The following ADCY2 variants were observed in gnomAD, a reference collection of about 807,000 sequenced individuals.
ADCY2 encodes the protein adenylate cyclase type 2.
A neutral mutation model predicts 125.2 loss-of-function variants in ADCY2; 31 were observed. The observed-to-expected ratio is 0.25, with a 90% CI of 0.19 to 0.33. The LOEUF (loss-of-function observed/expected upper bound fraction) is 0.33, where lower values mean the gene tolerates loss of function less well. Among genes scored for constraint, ADCY2 ranks in the 10% least tolerant of loss-of-function variants. The pLI is 1.00. For synonymous variants in ADCY2, 512 were observed against 548.4 expected, an observed-to-expected ratio of 0.93 and a Z score of 0.93; for missense variants, 904 against 1,418.2, an observed-to-expected ratio of 0.64 and a Z score of 5.82.
chr5:7,633,282 T>C (rs1017972171), intron 4 of ADCY2, among the ~76,000 whole-genome samples: 34 of 151,598 alleles, frequency 2.2e-4, no homozygotes, highest in Non-Finnish European at 4.7e-4. Flanking sequence ...AATACAAAAA[T>C]TAGCTGGGTG....
At chr5:7,582,821 A>G (rs1736479777) in intron 3 of ADCY2, among the ~76,000 whole-genome samples, 1 of 152,154 alleles carries the variant, frequency 6.6e-6, no homozygotes, top group Non-Finnish European at 1.5e-5. Context: ...GTCTGGAACA[A>G]GGAACTTCTA....
chr5:7,567,234 G>A (rs757193057), intron 3 of ADCY2, among the ~76,000 whole-genome samples: 9 of 152,242 alleles, frequency 5.9e-5, no homozygotes, highest in South Asian at 2.1e-4. Context: ...GAATTGAGGG[G>A]CAGTAGTTCT....
At chr5:7,424,850 G>A (rs1740329863) in intron 2 of ADCY2, among the ~76,000 whole-genome samples, 1 of 152,174 alleles carries the variant, frequency 6.6e-6, no homozygotes, top group African/African-American at 2.4e-5. Context: ...ATTATACATA[G>A]AGTCCTTATA....
At chr5:7,440,057 G>C (rs1205163854) in intron 2 of ADCY2, among the ~76,000 whole-genome samples, 1 of 152,202 alleles carries the variant, frequency 6.6e-6, no homozygotes, top group Non-Finnish European at 1.5e-5. Context: ...AGAAGTTCCA[G>C]CTATGTGTAG....
In ADCY2 at chr5:7,802,736, T is replaced by C. The variant is rs1276660288; in HGVS notation, c.2775+372T>C. On this transcript the variant is annotated intron_variant, in intron 21 of 24. Transcript: ENST00000338316. The surrounding 1 kb of genome is among the most constrained non-coding windows in gnomAD (Gnocchi z 4.6). ...ATTGGTGTGTCTGTGCCTACTTCAATGCCTTTGTCAGATATCAACTTGCAC... is the reference window on the plus strand; with the variant it reads ...ATTGGTGTGTCTGTGCCTACTTCAACGCCTTTGTCAGATATCAACTTGCAC... Among the ~76,000 whole-genome samples the C allele has an allele frequency of 6.6e-6, 1 of 152,272 alleles. No homozygotes were observed. The highest frequency in any genetic ancestry group is 1.5e-5 in the Non-Finnish European group (1 of 68,050).
intron 1 of ADCY2, among the ~76,000 whole-genome samples, chr5:7,410,450 A>G (rs570351589): frequency 6.6e-6 from 1 of 152,330 alleles, no homozygotes; most frequent in Non-Finnish European, 1.5e-5. Context: ...AGTGATGGGT[A>G]TTTAATAGGC....
chr5:7,639,027 C>G (rs761159573), intron 4 of ADCY2, among the ~76,000 whole-genome samples: 19 of 152,168 alleles, frequency 1.2e-4, no homozygotes, highest in Non-Finnish European at 2.6e-4. Flanking sequence ...CTTCTCCTTG[C>G]TTTCTACCAT....
intron 19 of ADCY2, among the ~76,000 whole-genome samples, chr5:7,786,408 T>G (rs1744082958): frequency 6.6e-6 from 1 of 152,252 alleles, no homozygotes; most frequent in African/African-American, 2.4e-5. Flanking sequence ...AGTTACTGTA[T>G]TTCCTGATTG....
chr5:7,487,740 A>G (rs1387097323), intron 2 of ADCY2, among the ~76,000 whole-genome samples: 1 of 152,180 alleles, frequency 6.6e-6, no homozygotes, highest in Non-Finnish European at 1.5e-5. Context: ...GTGCTGGGAG[A>G]AGATGAAGAT....
At chr5:7,628,490 G>A (rs530761158) in intron 4 of ADCY2, among the ~76,000 whole-genome samples, 1 of 152,234 alleles carries the variant, frequency 6.6e-6, no homozygotes, top group East Asian at 1.9e-4. Context: ...TTGACCTTGT[G>A]GAGCTCAAGA....
At chr5:7,560,203 G>C (rs73739846) in intron 3 of ADCY2, among the ~76,000 whole-genome samples, 1 of 152,160 alleles carries the variant, frequency 6.6e-6, no homozygotes, top group Non-Finnish European at 1.5e-5. Flanking sequence ...TAACAGCCCT[G>C]CATTTTGTTT....
At chr5:7,818,160 A>G (rs1278958722) in intron 23 of ADCY2, among the ~76,000 whole-genome samples, 1 of 152,164 alleles carries the variant, frequency 6.6e-6, no homozygotes, top group Non-Finnish European at 1.5e-5. Flanking sequence ...ATGGTTTTTA[A>G]CGCTCTCTTA....
rs375166096 is a variant in ADCY2 at position 7,408,265 on chromosome 5, A to G, written c.211-6308A>G. ...TGACACCTAAGCAACTCAGTTCAGTATTTGAACTTGTAATTTTCCCACCAG... is the reference window on the plus strand; with the variant it reads ...TGACACCTAAGCAACTCAGTTCAGTGTTTGAACTTGTAATTTTCCCACCAG... On this transcript the variant is annotated intron_variant, in intron 1 of 24. Coordinates refer to ENST00000338316, the MANE Select transcript of ADCY2 (RefSeq NM_020546.3). 2.0e-5 allele frequency among the ~76,000 whole-genome samples: 3 copies of G among 152,098 alleles called. No individual in the cohort carries two copies. The East Asian group carries it at 5.8e-4, about 29-fold the overall frequency.
chr5:7,470,584 AT>A (rs1452179399), intron 2 of ADCY2, among the ~76,000 whole-genome samples: 3 of 148,504 alleles, frequency 2.0e-5, no homozygotes, highest in Non-Finnish European at 3.0e-5. Context: ...ATTTGACTAT[AT>A]AATTGTATAT....
intron 18 of ADCY2, among the ~76,000 whole-genome samples, chr5:7,783,760 C>A (rs1004100918): frequency 2.6e-5 from 4 of 152,176 alleles, no homozygotes; most frequent in Admixed American, 2.6e-4. Flanking sequence ...GGAGCCCACC[C>A]AGTGCAGTGA....
At chr5:7,531,917 G>A (rs1005572221) in intron 3 of ADCY2, among the ~76,000 whole-genome samples, 1 of 152,160 alleles carries the variant, frequency 6.6e-6, no homozygotes, top group African/African-American at 2.4e-5. Flanking sequence ...GACTGCACTT[G>A]TACTTCTTTC....
chr5:7,536,326 C>G (rs1233287054), intron 3 of ADCY2, among the ~76,000 whole-genome samples: 1 of 151,856 alleles, frequency 6.6e-6, no homozygotes, highest in African/African-American at 2.4e-5. Flanking sequence ...CAGATTTGGC[C>G]ATTACAGTAC....
At chr5:7,697,362 G>A (rs1489174975) in intron 6 of ADCY2, among the ~76,000 whole-genome samples, 1 of 152,186 alleles carries the variant, frequency 6.6e-6, no homozygotes, top group African/African-American at 2.4e-5. Context: ...CAGAGGGGCA[G>A]TGTGCCTTCG....
chr5:7,405,324 T>G (rs185076215), intron 1 of ADCY2, among the ~76,000 whole-genome samples: 186 of 148,964 alleles, frequency 1.2e-3, no homozygotes, highest in Non-Finnish European at 2.4e-3. Context: ...TTTTTTTAGC[T>G]CATAATTATG....
Sources: gnomAD v4.1 joint callset for allele counts (sites outside exome capture counted in the v4.1 genomes callset) on GRCh38, gnomAD v4.1.1 for gene constraint, Gnocchi (gnomAD v3.1) non-coding constraint, MANE v1.5 for transcripts, NCBI Gene and HGNC (gene_info 2026-07-23, HGNC 2026-07-21) for gene names.